Variants in AHNAK observed in about 807,000 individuals in gnomAD.
AHNAK encodes the protein neuroblast differentiation-associated protein AHNAK.
AHNAK carries 23 observed loss-of-function variants against 37.8 expected under a neutral mutation model. The observed-to-expected ratio is 0.61, with a 90% CI of 0.44 to 0.86. AHNAK has a LOEUF of 0.86. Ranked by LOEUF, AHNAK falls within the 40% of genes least tolerant of loss-of-function variation. The pLI, the probability that AHNAK is intolerant of heterozygous loss-of-function variation, is 0.00. For synonymous variants in AHNAK, 2,481 were observed against 2,636.3 expected, an observed-to-expected ratio of 0.94 and a Z score of 1.80; for missense variants, 7,411 against 7,319.4, an observed-to-expected ratio of 1.01 and a Z score of -0.46.
chr11:62,515,302 G>A (rs1241201813), downstream of AHNAK, among the ~76,000 whole-genome samples: 1 of 152,134 alleles, frequency 6.6e-6, no homozygotes, highest in Non-Finnish European at 1.5e-5. Flanking sequence ...GTGGATCACT[G>A]GAGGTCAGGA....
Position 62,517,071 on chromosome 11 carries a change from T to C in AHNAK, c.17346A>G (p.Ser5782=), listed in dbSNP as rs190527959. ...CAGAGAACTCTCTTTCATCACTGAA[T>C]GAATTTGAGCGGTGCCGTGGCTTCT... ...KSKKPRHRSN[S]FSDEREFSGP... Residue 5782 remains serine (S), a synonymous_variant, in exon 5 of 5, where the codon TCA becomes TCG. Coordinates refer to ENST00000378024, the MANE Select transcript of AHNAK (RefSeq NM_001620.3). 6.2e-7 allele frequency: 1 copy of C among 1,614,174 alleles called. No homozygotes were observed. The highest frequency in any genetic ancestry group is 8.5e-7 in the Non-Finnish European group (1 of 1,180,040).
chr11:62,446,660 T>A (rs1938427826), intron 5 of AHNAK, among the ~76,000 whole-genome samples: 1 of 152,078 alleles, frequency 6.6e-6, no homozygotes, highest in Non-Finnish European at 1.5e-5. Context: ...TCTTCATGTT[T>A]TGTCATCCAC....
intron 5 of AHNAK, among the ~76,000 whole-genome samples, chr11:62,450,442 C>T (rs1253954135): frequency 6.6e-6 from 1 of 152,168 alleles, no homozygotes. Context: ...ATCCAACTGC[C>T]TTGGCCCCCC....
At chr11:62,542,893 CCCA>C (rs992619544) in intron 1 of AHNAK, among the ~76,000 whole-genome samples, 9 of 152,192 alleles carry the variant, frequency 5.9e-5, no homozygotes, top group African/African-American at 2.2e-4. Context: ...GCCTGTCTGC[CCCA>C]CCCAAGGCCG....
Position 62,529,304 on chromosome 11 carries a change from C to T in AHNAK, c.5113G>A (p.Asp1705Asn), listed in dbSNP as rs759725400. ...DIDAPDVEVHDPDWHLKMPKM... is the reference protein window; with the variant it reads ...DIDAPDVEVHNPDWHLKMPKM... ...GGCATTTTCAGGTGCCAATCTGGGT[C>T]GTGAACCTCCACATCTGGGGCATCA... The change falls in exon 5 of 5, where the codon GAC (aspartate) becomes AAC (asparagine). Residue 1705 changes from aspartate (D) to asparagine (N), a missense_variant. By Grantham distance (23) the Asp-to-Asn change is conservative (BLOSUM62 1). Coordinates refer to ENST00000378024, the MANE Select transcript of AHNAK (RefSeq NM_001620.3). 8 of 1,614,068 alleles carry T rather than the reference C, an allele frequency of 5.0e-6. No individual in the cohort carries two copies. Among genetic ancestry groups the T allele is most frequent in the South Asian group, 4.4e-5 (4 of 91,074 alleles).
rs1225120158 is a variant in AHNAK, at chr11:62,518,759, G to A, written c.15658C>T (p.Pro5220Ser). 6.2e-7 allele frequency: 1 copy of A among 1,614,200 alleles called. No individual in the cohort carries two copies. The highest frequency in any genetic ancestry group is 1.3e-5 in the African/African-American group (1 of 75,040). Residue 5220 changes from proline (P) to serine (S), a missense_variant, in exon 5 of 5, where the codon CCA becomes TCA. Pro to Ser is a moderately conservative substitution (Grantham distance 74). Transcript: ENST00000378024. ...GDVPSVGLEG[P>S]DVDLQGPEAK... The stretch of plus-strand genomic sequence containing the variant: ...TCTGGACCTTGCAGATCTACATCTG[G>A]TCCTTCCAGTCCCACGCTGGGGACA...
At chr11:62,486,922 G>C (rs1258392084) in intron 5 of AHNAK, among the ~76,000 whole-genome samples, 2 of 152,124 alleles carry the variant, frequency 1.3e-5, no homozygotes, top group Non-Finnish European at 2.9e-5. Flanking sequence ...ATCCCACCAA[G>C]AGGGCTTCAG....
rs1940320508 is a variant in AHNAK at position 62,522,936 on chromosome 11, G to T, written c.11481C>A (p.Asn3827Lys). The change falls in exon 5 of 5, where the codon AAC becomes AAA. Residue 3827 changes from asparagine (N) to lysine (K), a missense_variant. Transcript: ENST00000378024. ...AGACATCAAGGTCAGCCTTGGGCAG[G>T]TTCACATCCACATCTGGGCCCTCTC... is the stretch of plus-strand genomic sequence containing the variant. ...FKGEGPDVDV[N>K]LPKADLDVSG... 2 of 1,612,636 alleles carry T rather than the reference G, an allele frequency of 1.2e-6. No individual in the cohort carries two copies. Among genetic ancestry groups the T allele is most frequent in the Middle Eastern group, 3.3e-4 (2 of 6,052 alleles).
At chr11:62,500,990 G>A (rs1406135722) in intron 4 of AHNAK, among the ~76,000 whole-genome samples, 1 of 152,074 alleles carries the variant, frequency 6.6e-6, no homozygotes, top group Non-Finnish European at 1.5e-5. Context: ...AGGCTGAGAT[G>A]GGAGAATTGC....
At chr11:62,437,311 T>C (rs2509978) in intron 5 of AHNAK, among the ~76,000 whole-genome samples, 32,888 of 152,182 alleles carry the variant, frequency 0.22, 4,130 homozygotes, top group African/African-American at 0.35. Flanking sequence ...TTTGAACATT[T>C]TTGTACATAC....
chr11:62,504,376 A>G (rs931273175), intron 4 of AHNAK, among the ~76,000 whole-genome samples: 1 of 151,976 alleles, frequency 6.6e-6, no homozygotes, highest in Non-Finnish European at 1.5e-5. Flanking sequence ...TCCTGCAGCT[A>G]AATTCCTAGA....
At chr11:62,508,472 C>T (rs1013115118) in intron 4 of AHNAK, among the ~76,000 whole-genome samples, 17 of 152,196 alleles carry the variant, frequency 1.1e-4, no homozygotes, top group African/African-American at 4.1e-4. Context: ...ACTCTGTGGA[C>T]TAGAACGCCC....
At chr11:62,508,268 A>AG (rs1455247354) in intron 4 of AHNAK, among the ~76,000 whole-genome samples, 1 of 152,146 alleles carries the variant, frequency 6.6e-6, no homozygotes, top group Non-Finnish European at 1.5e-5. Context: ...GAAAAAAAAA[A>AG]TTCTTTTTTT....
intron 4 of AHNAK, among the ~76,000 whole-genome samples, chr11:62,492,696 C>G (rs576208385): frequency 6.6e-6 from 1 of 151,852 alleles, no homozygotes; most frequent in East Asian, 1.9e-4. Context: ...TAGTGAGACC[C>G]CCACCTCTAC....
At chr11:62,467,378 C>G (rs1306220028) in intron 5 of AHNAK, among the ~76,000 whole-genome samples, 2 of 152,056 alleles carry the variant, frequency 1.3e-5, no homozygotes, top group East Asian at 3.9e-4. Context: ...TCTACCTCGC[C>G]TAGCATTCCA....
In AHNAK at chr11:62,521,625, C is replaced by T. The variant is rs1940246498; in HGVS notation, c.12792G>A (p.Leu4264=). 1.2e-6 allele frequency: 2 copies of T among 1,608,152 alleles called. No individual in the cohort carries two copies. Among genetic ancestry groups the T allele is most frequent in the Non-Finnish European group, 1.7e-6 (2 of 1,178,166 alleles). ...APKISMPDFD[L]HLKGPKVKGD... is the part of the protein sequence containing the mutation. ...CCTTCACCTTGGGACCTTTCAGATG[C>T]AAATCAAAGTCAGGCATGGAGATCT... The change falls in exon 5 of 5, where the codon TTG becomes TTA. Residue 4264 remains leucine, a synonymous_variant. Coordinates refer to ENST00000378024, the MANE Select transcript of AHNAK (RefSeq NM_001620.3).
chr11:62,464,309 CA>C (rs1938858530), intron 5 of AHNAK, among the ~76,000 whole-genome samples: 1 of 151,956 alleles, frequency 6.6e-6, no homozygotes. Flanking sequence ...CCTCCTGCCT[CA>C]GCCTCCCAAA....
rs570080893 is a variant in AHNAK, at chr11:62,491,905, T to A, written c.343-74A>T. The A allele has an allele frequency of 6.5e-5, 88 of 1,351,350 alleles. No homozygotes were observed. The South Asian group carries it at 8.8e-4, about 13-fold the overall frequency. 83.7% of individuals were successfully genotyped at this position (1,351,350 alleles called of 1,614,324 possible). A position where few individuals can be genotyped will look rare whatever the true frequency, so the allele number is the denominator to read the frequency against. ...CAATGAGCACTTTTCAAATGCCTAC[T>A]ATGGGTGTATAAAATACCAGAGACC... On this transcript the variant is annotated intron_variant, in intron 4 of 5. Transcript: ENST00000257247.
At chr11:62,471,984 C>T (rs573575024) in intron 5 of AHNAK, among the ~76,000 whole-genome samples, 1 of 152,130 alleles carries the variant, frequency 6.6e-6, no homozygotes, top group Non-Finnish European at 1.5e-5. Context: ...TACGACCACT[C>T]GCCCCAGGGT....
Sources: allele counts gnomAD v4.1 joint callset (sites outside exome capture counted in the v4.1 genomes callset), GRCh38; gene constraint gnomAD v4.1.1; transcripts MANE v1.5; gene names NCBI Gene and HGNC (gene_info 2026-07-23, HGNC 2026-07-21).